RAB28: variants seen among roughly 807,000 people sequenced by gnomAD.
The protein encoded by RAB28 is ras-related protein Rab-28.
RAB28 carries 24 observed loss-of-function variants against 31.7 expected under a neutral mutation model. That is an observed-to-expected ratio of 0.76 (90% confidence interval 0.55 to 1.06). The LOEUF (loss-of-function observed/expected upper bound fraction) is 1.06. RAB28 is among the 50% of genes least tolerant of loss of function. RAB28 has a pLI of 0.00. For missense variants in RAB28, 254 were observed against 258.5 expected (o/e 0.98, Z 0.12); for synonymous variants, 100 against 90.4 (o/e 1.11, Z -0.60).
intron 4 of RAB28, 43 bp from the exon 5 acceptor site, chr4:13,381,637 C>T: frequency 7.1e-7 from 1 of 1,415,920 alleles, no homozygotes; most frequent in East Asian, 2.3e-5. Context: ...ATATTAGAGT[C>T]TATCAAAACG....
At chr4:13,391,498 G>A (rs1332456310) in intron 4 of RAB28, among the ~76,000 whole-genome samples, 4 of 152,178 alleles carry the variant, frequency 2.6e-5, no homozygotes, top group African/African-American at 9.7e-5. Context: ...ACAGTATGGC[G>A]ATTCCTCAAG....
intron 3 of RAB28, among the ~76,000 whole-genome samples, chr4:13,463,572 A>AG (rs1361618849): frequency 6.6e-6 from 1 of 152,134 alleles, no homozygotes. Context: ...AGCTCTTTTC[A>AG]GGAAAAATCT....
intron 3 of RAB28, among the ~76,000 whole-genome samples, chr4:13,471,228 C>T (rs1716102910): frequency 6.6e-6 from 1 of 152,016 alleles, no homozygotes; most frequent in African/African-American, 2.4e-5. Context: ...ACTCCAGAAG[C>T]AATACAGATC....
chr4:13,402,608 C>T (rs1711836027), intron 4 of RAB28, among the ~76,000 whole-genome samples: 4 of 152,020 alleles, frequency 2.6e-5, no homozygotes, highest in Admixed American at 2.0e-4. Context: ...TTCTAAGCTA[C>T]CTGTATCTTC....
At chr4:13,464,925 AAAC>A (rs1387651201) in intron 3 of RAB28, among the ~76,000 whole-genome samples, 4 of 152,086 alleles carry the variant, frequency 2.6e-5, no homozygotes, top group Admixed American at 6.6e-5. Flanking sequence ...AGGAAAAAGA[AAAC>A]AACATGCAAG....
chr4:13,387,334 C>A (rs1238395101), intron 4 of RAB28, among the ~76,000 whole-genome samples: 1 of 152,070 alleles, frequency 6.6e-6, no homozygotes, highest in Admixed American at 6.5e-5. Context: ...GGTCATCTCA[C>A]ATGTAATCAA....
rs566473086 is a variant in RAB28 at position 13,373,941 on chromosome 4, A to ATATG, written c.573+2600_573+2603dup. Among the ~76,000 whole-genome samples the ATATG allele has an allele frequency of 1.7e-3, 265 of 151,878 alleles. 2 individuals carry two copies. Among genetic ancestry groups the ATATG allele is most frequent in the African/African-American group, 3.7e-3 (155 of 41,366 alleles). On this transcript the variant is annotated intron_variant, in intron 6 of 6. Transcript: ENST00000330852. Reference sequence around the variant, plus strand: ...ATGCAGTGTGTATGTGTGTGTATATATATGTATGTATGTATGTATGTGTGT... The same window carrying ATATG: ...ATGCAGTGTGTATGTGTGTGTATATATATGTATGTATGTATGTATGTATGTGTGT...
intron 4 of RAB28, among the ~76,000 whole-genome samples, chr4:13,456,343 A>G (rs1316730578): frequency 6.6e-6 from 1 of 152,352 alleles, no homozygotes; most frequent in East Asian, 1.9e-4. Context: ...TGATAAATCA[A>G]GTTGAAGCTA....
chr4:13,464,203 A>C (rs954783152), intron 3 of RAB28, among the ~76,000 whole-genome samples: 1 of 152,080 alleles, frequency 6.6e-6, no homozygotes, highest in African/African-American at 2.4e-5. Context: ...GCATGGATAT[A>C]CCACCAGATT....
At chr4:13,410,824 T>G (rs1211103137) in intron 4 of RAB28, among the ~76,000 whole-genome samples, 1 of 152,064 alleles carries the variant, frequency 6.6e-6, no homozygotes, top group Non-Finnish European at 1.5e-5. Context: ...CTTTAGAACT[T>G]AAAGGTCTCT....
rs77270275 is a variant in RAB28 at position 13,477,301 on chromosome 4, A to G, written c.172+2129T>C. Among the ~76,000 whole-genome samples the G allele has an allele frequency of 7.2e-3, 1,092 of 151,676 alleles. 9 individuals carry two copies. The highest frequency in any genetic ancestry group is 0.025 in the African/African-American group (1,043 of 41,506). ...AATGATCTTGAAAACTTGCATGAAG[A>G]GAATGTAAATAGATGGACAGGAGGT... On this transcript the variant is annotated intron_variant, in intron 2 of 6. Coordinates refer to ENST00000330852, the MANE Select transcript of RAB28 (RefSeq NM_001017979.3).
intron 4 of RAB28, among the ~76,000 whole-genome samples, chr4:13,455,781 T>C (rs1010152819): frequency 6.6e-6 from 1 of 152,180 alleles, no homozygotes; most frequent in African/African-American, 2.4e-5. Flanking sequence ...TGGGGACTAG[T>C]AGGAAGCTTC....
At chr4:13,446,095 G>C (rs897891752) in intron 4 of RAB28, among the ~76,000 whole-genome samples, 2 of 152,198 alleles carry the variant, frequency 1.3e-5, no homozygotes, top group Admixed American at 1.3e-4. Flanking sequence ...AAGAGAAGCA[G>C]TCTGGCCACA....
intron 3 of RAB28, among the ~76,000 whole-genome samples, chr4:13,463,495 C>G (rs932958690): frequency 1.3e-5 from 2 of 152,120 alleles, no homozygotes; most frequent in Non-Finnish European, 2.9e-5. Context: ...TTTTGTGCTA[C>G]AACTGCAGAG....
intron 4 of RAB28, among the ~76,000 whole-genome samples, chr4:13,423,404 G>A (rs1315447943): frequency 1.3e-5 from 2 of 151,362 alleles, no homozygotes; most frequent in Admixed American, 1.3e-4. Flanking sequence ...GGGCGTGGTG[G>A]CAGATACCTG....
intron 4 of RAB28, among the ~76,000 whole-genome samples, chr4:13,438,808 G>A (rs1169828442): frequency 6.7e-6 from 1 of 149,854 alleles, no homozygotes; most frequent in Non-Finnish European, 1.5e-5. Flanking sequence ...TAGGTCATAA[G>A]GTAACTGACT....
Position 13,462,995 on chromosome 4 carries a change from T to G in RAB28, c.262-2167A>C, listed in dbSNP as rs189477423. Among the ~76,000 whole-genome samples the G allele has an allele frequency of 9.5e-3, 1,448 of 152,296 alleles. 12 individuals carry two copies. The highest frequency in any genetic ancestry group is 0.021 in the South Asian group (101 of 4,830). On this transcript the variant is annotated intron_variant, in intron 3 of 6. Coordinates refer to ENST00000330852, the MANE Select transcript of RAB28 (RefSeq NM_001017979.3). ...TTCCAGTCCTGACCCCATCTATTGATCTTGGGCAACATTCGTTACCTCACT... is the reference window on the plus strand; with the variant it reads ...TTCCAGTCCTGACCCCATCTATTGAGCTTGGGCAACATTCGTTACCTCACT...
At position 13,472,861 on chromosome 4, in the gene RAB28, A is replaced by G. The variant is rs1361067646; in HGVS notation, c.261+1457T>C. ...AATAAATAAATAAAACAAAAAAGCC[A>G]TACACAAAATTCTGAGATGTACTTT... On this transcript the variant is annotated intron_variant, in intron 3 of 6. Coordinates refer to ENST00000330852, the MANE Select transcript of RAB28 (RefSeq NM_001017979.3). Among the ~76,000 whole-genome samples, 5 of 152,132 alleles carry G rather than the reference A, an allele frequency of 3.3e-5. No individual in the cohort carries two copies. In the East Asian group the frequency reaches 5.8e-4, roughly 18 times the overall value.
At chr4:13,381,166 C>T (rs1729112494) in intron 5 of RAB28, among the ~76,000 whole-genome samples, 1 of 151,980 alleles carries the variant, frequency 6.6e-6, no homozygotes, top group African/African-American at 2.4e-5. Context: ...ATGCCATCTC[C>T]TAGCCACAGG....
Sources: gnomAD v4.1 joint callset for allele counts (sites outside exome capture counted in the v4.1 genomes callset) on GRCh38, gnomAD v4.1.1 for gene constraint, MANE v1.5 for transcripts, NCBI Gene and HGNC (gene_info 2026-07-23, HGNC 2026-07-21) for gene names.